Variants in WDR7 observed in about 807,000 individuals in gnomAD.
WDR7 encodes WD repeat domain 7, also known as WD repeat-containing protein 7.
In WDR7, 46 loss-of-function variants were observed where a neutral mutation model predicts 169.4. The observed-to-expected ratio is 0.27, with a 90% CI of 0.21 to 0.35. The LOEUF (loss-of-function observed/expected upper bound fraction) is 0.35. WDR7 is among the 10% of genes least tolerant of loss of function. WDR7 has a pLI of 1.00. For synonymous variants in WDR7, 612 were observed against 666.8 expected, an observed-to-expected ratio of 0.92 and a Z score of 1.27; for missense variants, 1,534 against 1,859.3, an observed-to-expected ratio of 0.83 and a Z score of 3.22.
intron 20 of WDR7, among the ~76,000 whole-genome samples, chr18:56,837,871 G>A (rs929258571): frequency 6.6e-6 from 1 of 152,108 alleles, no homozygotes; most frequent in Non-Finnish European, 1.5e-5. Context: ...TGTTGGCCAG[G>A]CTGGTCTTGA....
chr18:56,841,512 C>A (rs2045485717), intron 20 of WDR7, among the ~76,000 whole-genome samples: 1 of 150,034 alleles, frequency 6.7e-6, no homozygotes, highest in Admixed American at 6.6e-5. Context: ...CGCCACTGCA[C>A]TCCAGCCTGG....
intron 22 of WDR7, among the ~76,000 whole-genome samples, chr18:56,924,388 A>G (rs2046774650): frequency 6.6e-6 from 1 of 152,214 alleles, no homozygotes. Context: ...TAATAATAGT[A>G]TAATATTGTT....
chr18:56,888,441 CT>C (rs530372429), intron 21 of WDR7, among the ~76,000 whole-genome samples: 33 of 152,310 alleles, frequency 2.2e-4, no homozygotes, highest in African/African-American at 7.7e-4. Context: ...TTTAAAACTT[CT>C]TTTGGTCCAA....
intron 7 of WDR7, among the ~76,000 whole-genome samples, chr18:56,687,802 T>G (rs1386238751): frequency 2.0e-5 from 3 of 152,106 alleles, no homozygotes; most frequent in Admixed American, 2.0e-4. Context: ...AATTTTAGAA[T>G]TTTTTTGTAG....
At chr18:56,708,360 G>A (rs2026008685) in intron 12 of WDR7, among the ~76,000 whole-genome samples, 1 of 152,012 alleles carries the variant, frequency 6.6e-6, no homozygotes, top group African/African-American at 2.4e-5. Context: ...TAATGATATA[G>A]GTATGATTTG....
intron 16 of WDR7, among the ~76,000 whole-genome samples, chr18:56,766,164 AC>A (rs2044063006): frequency 6.6e-6 from 1 of 151,992 alleles, no homozygotes; most frequent in South Asian, 2.1e-4. Flanking sequence ...TCTGACTGTA[AC>A]ATTACTTTAT....
chr18:56,789,160 A>G (rs2145106706), intron 19 of WDR7, among the ~76,000 whole-genome samples: 1 of 152,346 alleles, frequency 6.6e-6, no homozygotes, highest in Middle Eastern at 3.4e-3. Flanking sequence ...TTTGTTCTTA[A>G]TCAGTCATGA....
intron 25 of WDR7, among the ~76,000 whole-genome samples, chr18:56,958,191 A>T (rs1443973700): frequency 6.6e-6 from 1 of 152,132 alleles, no homozygotes; most frequent in Admixed American, 6.6e-5. Flanking sequence ...CTCAGTTCAT[A>T]TTTGTGTTTC....
intron 13 of WDR7, among the ~76,000 whole-genome samples, chr18:56,726,940 G>A (rs1598994443): frequency 6.6e-6 from 1 of 152,116 alleles, no homozygotes; most frequent in African/African-American, 2.4e-5. Flanking sequence ...TAGTCACACA[G>A]TAATCAGTAC....
intron 1 of WDR7, among the ~76,000 whole-genome samples, chr18:56,669,706 A>G (rs1230588381): frequency 1.3e-5 from 2 of 152,128 alleles, no homozygotes; most frequent in Non-Finnish European, 2.9e-5. Context: ...GAGAGTTTCT[A>G]TTAAAGTTAA....
rs73960922 is a variant in WDR7 at position 56,908,470 on chromosome 18, T to C, written c.3527-15452T>C. Among the ~76,000 whole-genome samples the C allele has an allele frequency of 5.0e-3, 763 of 152,326 alleles. 7 individuals are homozygous for C. The highest frequency in any genetic ancestry group is 0.017 in the African/African-American group (725 of 41,568). ...ACAATATGGTGTATTTCATTTGCAA[T>C]ATTAAACATAAAACTCCTTTGCAGA... On this transcript the variant is annotated intron_variant, in intron 21 of 27. Coordinates refer to ENST00000254442, the MANE Select transcript of WDR7 (RefSeq NM_015285.3).
At chr18:56,687,809 G>A (rs2025473421) in intron 7 of WDR7, among the ~76,000 whole-genome samples, 1 of 152,038 alleles carries the variant, frequency 6.6e-6, no homozygotes, top group Non-Finnish European at 1.5e-5. Context: ...GAATTTTTTT[G>A]TAGAGATGGG....
intron 20 of WDR7, among the ~76,000 whole-genome samples, chr18:56,862,079 C>T (rs898816784): frequency 2.0e-5 from 3 of 151,768 alleles, no homozygotes; most frequent in Admixed American, 6.6e-5. Context: ...CCTAAGTATA[C>T]GTAGTAGATG....
At chr18:56,688,138 G>A (rs765548285) in intron 7 of WDR7, among the ~76,000 whole-genome samples, 16 of 152,078 alleles carry the variant, frequency 1.1e-4, no homozygotes, top group Non-Finnish European at 2.1e-4. Flanking sequence ...AAATGGCAGC[G>A]GAGTTGCTGA....
At chr18:56,728,996 G>T (rs1036795508) in intron 13 of WDR7, among the ~76,000 whole-genome samples, 1 of 152,112 alleles carries the variant, frequency 6.6e-6, no homozygotes. Flanking sequence ...CTTTGGGCTC[G>T]GTTGTTCAGA....
intron 20 of WDR7, among the ~76,000 whole-genome samples, chr18:56,870,541 T>C (rs540222602): frequency 6.6e-6 from 1 of 152,312 alleles, no homozygotes; most frequent in African/African-American, 2.4e-5. Context: ...GTACATGCAA[T>C]GTATTTATGT....
intron 26 of WDR7, among the ~76,000 whole-genome samples, chr18:57,007,024 G>C (rs2048068878): frequency 6.7e-6 from 1 of 148,720 alleles, no homozygotes; most frequent in Non-Finnish European, 1.5e-5. Context: ...CTGTCACCCA[G>C]GCTGGAGTGC....
intron 26 of WDR7, 54 bp from the exon 27 acceptor site, chr18:57,020,691 T>G: frequency 6.5e-7 from 1 of 1,539,888 alleles, no homozygotes; most frequent in Non-Finnish European, 9.0e-7. Flanking sequence ...GTGTGTGTAC[T>G]TGTAATTGTC....
intron 19 of WDR7, among the ~76,000 whole-genome samples, chr18:56,815,383 A>G (rs1258160351): frequency 1.3e-5 from 2 of 152,222 alleles, no homozygotes; most frequent in Non-Finnish European, 2.9e-5. Flanking sequence ...GAAATGATAG[A>G]TATGTAAGGA....
Sources: allele counts gnomAD v4.1 joint callset (sites outside exome capture counted in the v4.1 genomes callset), GRCh38; gene constraint gnomAD v4.1.1; transcripts MANE v1.5; gene names NCBI Gene and HGNC (gene_info 2026-07-23, HGNC 2026-07-21).